SOCS6: variants seen among roughly 807,000 people sequenced by gnomAD.
SOCS6 encodes suppressor of cytokine signaling 6.
SOCS6 carries 5 observed loss-of-function variants against 27.7 expected under a neutral mutation model. That is an observed-to-expected ratio of 0.18 (90% CI 0.09 to 0.38). The LOEUF (loss-of-function observed/expected upper bound fraction) is 0.38. Among genes scored for constraint, SOCS6 ranks in the 10% least tolerant of loss-of-function variants. The pLI is 1.00. For synonymous variants in SOCS6, 271 were observed against 260.0 expected (o/e 1.04, Z -0.41); for missense variants, 595 against 688.1 (o/e 0.86, Z 1.51).
In SOCS6 at chr18:70,324,672, A is replaced by G. The variant is rs1303531653; in HGVS notation, c.4A>G (p.Lys2Glu). M[K>E]KISLKTLRKS... ...TTGGATTAGGTAACTAGTCATAATG[A>G]AGAAAATTAGTCTTAAAACCTTACG... The change falls in exon 2 of 2, where the codon AAG (lysine) becomes GAG (glutamate). Residue 2 changes from lysine to glutamate, a missense_variant. By Grantham distance (56) the Lys-to-Glu change is moderately conservative (BLOSUM62 1). Around this residue, in one of 2 missense-constraint regions of SOCS6, gnomAD observed 467 missense variants for 481.1 expected, o/e 0.97. Coordinates refer to ENST00000397942, the MANE Select transcript of SOCS6 (RefSeq NM_004232.4). The G allele has an allele frequency of 1.3e-6, 2 of 1,561,522 alleles. No homozygotes were observed. Among genetic ancestry groups the G allele is most frequent in the Admixed American group, 1.8e-5 (1 of 54,330 alleles).
intron 1 of SOCS6, among the ~76,000 whole-genome samples, chr18:70,301,937 T>C (rs1293690241): frequency 2.0e-5 from 3 of 152,282 alleles, no homozygotes; most frequent in South Asian, 4.2e-4. Context: ...GTGCGATGAT[T>C]GGTAGAGAAG....
intron 1 of SOCS6, among the ~76,000 whole-genome samples, chr18:70,315,204 A>G (rs1266184717): frequency 1.3e-5 from 2 of 151,816 alleles, no homozygotes; most frequent in African/African-American, 4.8e-5. Flanking sequence ...TATACTTTTG[A>G]CCTCAACAAT....
chr18:70,313,041 A>G (rs567590521), intron 1 of SOCS6, among the ~76,000 whole-genome samples: 2 of 152,158 alleles, frequency 1.3e-5, no homozygotes, highest in South Asian at 2.1e-4. Context: ...CAGCCTCCCA[A>G]AGTGCTGGGA....
chr18:70,304,883 C>T (rs893093942), intron 1 of SOCS6, among the ~76,000 whole-genome samples: 18 of 152,162 alleles, frequency 1.2e-4, no homozygotes, highest in African/African-American at 4.3e-4. Context: ...TTTGTCCAAA[C>T]TAGAGTCACA....
chr18:70,311,360 A>G (rs1347469257), intron 1 of SOCS6, among the ~76,000 whole-genome samples: 3 of 152,312 alleles, frequency 2.0e-5, no homozygotes, highest in Non-Finnish European at 4.4e-5. Flanking sequence ...AACAATTCCA[A>G]CAGTTTGGGA....
intron 1 of SOCS6, among the ~76,000 whole-genome samples, chr18:70,300,670 A>G (rs2062344365): frequency 6.6e-6 from 1 of 152,142 alleles, no homozygotes; most frequent in Non-Finnish European, 1.5e-5. Context: ...AGAGATTATC[A>G]TGTATTTTAT....
intron 1 of SOCS6, among the ~76,000 whole-genome samples, chr18:70,315,711 G>C (rs534599481): frequency 1.1e-4 from 16 of 152,008 alleles, no homozygotes; most frequent in Admixed American, 2.0e-4. Context: ...TGCTGGCTGG[G>C]GGTTTATAAT....
intron 1 of SOCS6, among the ~76,000 whole-genome samples, chr18:70,309,177 T>G (rs1462847257): frequency 6.6e-6 from 1 of 152,252 alleles, no homozygotes; most frequent in East Asian, 1.9e-4. Flanking sequence ...TTCCAAACTT[T>G]TATTTATGAA....
rs1295151791 is a variant in SOCS6, at chr18:70,300,201, A to G, written c.-127+11111A>G. On this transcript the variant is annotated intron_variant, in intron 1 of 1. Transcript: ENST00000397942. ...GAGTGCAGTGGCATGATCTTGACTC[A>G]CTGCAACCTCTGTCTCCTGGGTTCA... Among the ~76,000 whole-genome samples, 6 of 151,810 alleles carry G rather than the reference A, an allele frequency of 4.0e-5. No homozygotes were observed. In the South Asian group the frequency reaches 8.3e-4, roughly 21 times the overall value.
At chr18:70,301,804 C>T (rs923794884) in intron 1 of SOCS6, among the ~76,000 whole-genome samples, 2 of 151,922 alleles carry the variant, frequency 1.3e-5, no homozygotes, top group African/African-American at 4.8e-5. Flanking sequence ...ACTGAGGGAC[C>T]GTGAGAGTGT....
intron 1 of SOCS6, among the ~76,000 whole-genome samples, chr18:70,291,705 C>G (rs1285338346): frequency 2.6e-5 from 4 of 152,142 alleles, no homozygotes; most frequent in African/African-American, 7.2e-5. Flanking sequence ...CTTATTGGGA[C>G]TCAATTATTG....
intron 1 of SOCS6, among the ~76,000 whole-genome samples, chr18:70,313,126 G>T (rs533985769): frequency 6.6e-6 from 1 of 152,070 alleles, no homozygotes; most frequent in Non-Finnish European, 1.5e-5. Flanking sequence ...TTAGGTTATT[G>T]ATTGGCCGCT....
intron 1 of SOCS6, among the ~76,000 whole-genome samples, chr18:70,289,437 C>T (rs1382088676): frequency 6.8e-6 from 1 of 147,296 alleles, no homozygotes; most frequent in Non-Finnish European, 1.5e-5. Flanking sequence ...CTTCTCGACC[C>T]CTCGGCCTCT....
chr18:70,325,040 C>T lies in SOCS6; in HGVS notation c.372C>T (p.Ser124=). The T allele has an allele frequency of 6.2e-7, 1 of 1,614,138 alleles. No homozygotes were observed. The highest frequency in any genetic ancestry group is 1.3e-5 in the African/African-American group (1 of 75,038). ...TGAGAGCTCAGAGGCCGATAAGGTC[C>T]ACGTCGCTCCGCAGCCATCACTACA... ...KDVRAQRPIR[S]TSLRSHHYSP... Residue 124 remains serine (S), a synonymous_variant, in exon 2 of 2, where the codon TCC becomes TCT. Transcript: ENST00000397942. The surrounding 1 kb of genome is among the most constrained non-coding windows in gnomAD (Gnocchi z 6.3).
chr18:70,300,682 T>C (rs1488289241), intron 1 of SOCS6, among the ~76,000 whole-genome samples: 1 of 152,208 alleles, frequency 6.6e-6, no homozygotes, highest in Non-Finnish European at 1.5e-5. Flanking sequence ...GTATTTTATA[T>C]GGAGATTCAC....
At position 70,324,633 on chromosome 18, in the gene SOCS6, G is replaced by A; in HGVS notation, c.-36G>A. 14 of 1,386,606 alleles carry A rather than the reference G, an allele frequency of 1.0e-5. No individual in the cohort carries two copies. The highest frequency in any genetic ancestry group is 1.4e-5 in the Non-Finnish European group (14 of 1,008,154). The allele number at this position is 1,386,606 out of a possible 1,614,324, so 85.9% of individuals were successfully genotyped here. ...ATGTTTGGGGATAATATTCCAGATA[G>A]AAATATTGATCCCTTGGATTAGGTA... On this transcript the variant is annotated 5_prime_UTR_variant, in exon 2 of 2. Coordinates refer to ENST00000397942, the MANE Select transcript of SOCS6 (RefSeq NM_004232.4).
intron 1 of SOCS6, among the ~76,000 whole-genome samples, chr18:70,302,489 G>A (rs1306955125): frequency 6.6e-6 from 1 of 152,180 alleles, no homozygotes; most frequent in Non-Finnish European, 1.5e-5. Flanking sequence ...AGACCCATCA[G>A]ACCAGTTCTC....
chr18:70,299,464 T>C (rs1049820676), intron 1 of SOCS6, among the ~76,000 whole-genome samples: 3 of 152,172 alleles, frequency 2.0e-5, no homozygotes, highest in Non-Finnish European at 4.4e-5. Flanking sequence ...AGCTCACCCT[T>C]GTGTGTGCAA....
intron 1 of SOCS6, among the ~76,000 whole-genome samples, chr18:70,317,511 TATAC>T (rs1333588506): frequency 3.5e-4 from 20 of 57,212 alleles, no homozygotes; most frequent in African/African-American, 1.8e-3. Flanking sequence ...TACATACATA[TATAC>T]ATACATATAT....
Sources: gnomAD v4.1 joint callset for allele counts (sites outside exome capture counted in the v4.1 genomes callset) on GRCh38, gnomAD v4.1.1 for gene constraint, gnomAD v4.1.1 regional missense constraint, Gnocchi (gnomAD v3.1) non-coding constraint, MANE v1.5 for transcripts, NCBI Gene and HGNC (gene_info 2026-07-23, HGNC 2026-07-21) for gene names.